DLGAP1: variants seen among roughly 807,000 people sequenced by gnomAD.
DLGAP1 encodes the protein DLG associated protein 1.
A neutral mutation model predicts 90.8 loss-of-function variants in DLGAP1; 11 were observed. That is an observed-to-expected ratio of 0.12 (90% CI 0.08 to 0.20). The LOEUF (loss-of-function observed/expected upper bound fraction) is 0.20, where lower values mean the gene tolerates loss of function less well. DLGAP1 is among the 10% of genes least tolerant of loss of function. DLGAP1 has a pLI of 1.00. For synonymous variants in DLGAP1, 558 were observed against 540.7 expected, an observed-to-expected ratio of 1.03 and a Z score of -0.44; for missense variants, 1,050 against 1,333.8, an observed-to-expected ratio of 0.79 and a Z score of 3.31.
intron 1 of DLGAP1, among the ~76,000 whole-genome samples, chr18:4,233,490 A>C (rs9966512): frequency 0.075 from 11,467 of 152,188 alleles, 664 homozygotes; most frequent in African/African-American, 0.15. Context: ...CTCATCACAT[A>C]ATATCACAGG....
At chr18:3,628,115 G>A (rs1044209315) in intron 7 of DLGAP1, among the ~76,000 whole-genome samples, 26 of 150,788 alleles carry the variant, frequency 1.7e-4, no homozygotes, top group African/African-American at 5.6e-4. Context: ...ACCTCAAGTG[G>A]TCCACCCGCC....
Position 3,741,330 on chromosome 18 carries a change from T to TCACCAC in DLGAP1, c.1350+999_1350+1004dup, listed in dbSNP as rs376924253. 4.9e-3 allele frequency among the ~76,000 whole-genome samples: 315 copies of TCACCAC among 63,998 alleles called. 3 individuals are homozygous for TCACCAC. Among genetic ancestry groups the TCACCAC allele is most frequent in the African/African-American group, 0.02 (283 of 14,048 alleles). The allele number at this position is 63,998 out of a possible 152,430, so 42.0% of individuals were successfully genotyped here. A position where few individuals can be genotyped will look rare whatever the true frequency, so the allele number is the denominator to read the frequency against. On this transcript the variant is annotated intron_variant, in intron 6 of 12. Transcript: ENST00000315677. ...CACATCACCACCACCACCACCACCA[T>TCACCAC]CACCACCACCACCACCACCACCACC...
intron 1 of DLGAP1, among the ~76,000 whole-genome samples, chr18:4,357,628 G>A (rs1160855138): frequency 2.0e-5 from 3 of 152,192 alleles, no homozygotes; most frequent in Non-Finnish European, 4.4e-5. Context: ...TGGTGTAGCT[G>A]GAGTAGCCTA....
At chr18:3,749,937 C>T (rs1265000131) in intron 5 of DLGAP1, among the ~76,000 whole-genome samples, 1 of 152,172 alleles carries the variant, frequency 6.6e-6, no homozygotes, top group South Asian at 2.1e-4. Flanking sequence ...TTCCTATATA[C>T]ATTTAAATAT....
chr18:4,020,424 T>G (rs1258643670), intron 2 of DLGAP1, among the ~76,000 whole-genome samples: 1 of 152,222 alleles, frequency 6.6e-6, no homozygotes, highest in Non-Finnish European at 1.5e-5. Context: ...GAGTAACCGT[T>G]ATGTGCCAGG....
intron 5 of DLGAP1, among the ~76,000 whole-genome samples, chr18:3,802,293 CT>C (rs1468942036): frequency 2.0e-5 from 3 of 152,222 alleles, no homozygotes; most frequent in Non-Finnish European, 4.4e-5. Flanking sequence ...CGCAGGCCAT[CT>C]TTCTAAAACA....
At chr18:4,233,883 T>A (rs930019443) in intron 1 of DLGAP1, among the ~76,000 whole-genome samples, 12 of 152,300 alleles carry the variant, frequency 7.9e-5, no homozygotes, top group African/African-American at 2.9e-4. Context: ...CCTATACTTA[T>A]TTTAATACAA....
intron 7 of DLGAP1, chr18:3,596,453 C>A (rs2056581363): frequency 4.7e-6 from 1 of 214,496 alleles, no homozygotes. Flanking sequence ...AACCACCAAG[C>A]CCGGCCTGAC....
chr18:4,049,833 T>A (rs2075106604), intron 2 of DLGAP1, among the ~76,000 whole-genome samples: 1 of 152,118 alleles, frequency 6.6e-6, no homozygotes, highest in Non-Finnish European at 1.5e-5. Context: ...CATCCATCCA[T>A]CCGCTCACCT....
intron 1 of DLGAP1, among the ~76,000 whole-genome samples, chr18:4,345,339 C>T (rs746558684): frequency 5.9e-5 from 9 of 152,132 alleles, no homozygotes; most frequent in Non-Finnish European, 7.3e-5. Flanking sequence ...TAGAGTAAAA[C>T]TGGCAATGTA....
intron 1 of DLGAP1, among the ~76,000 whole-genome samples, chr18:4,398,619 A>G (rs1251197901): frequency 2.6e-5 from 4 of 152,222 alleles, no homozygotes; most frequent in Non-Finnish European, 5.9e-5. Flanking sequence ...TATTGCTGCT[A>G]TGAAAAGATA....
chr18:4,156,506 C>T (rs1023196447), intron 1 of DLGAP1, among the ~76,000 whole-genome samples: 9 of 152,106 alleles, frequency 5.9e-5, no homozygotes, highest in African/African-American at 2.2e-4. Context: ...CTGTGAAAAA[C>T]CAATCAATTT....
chr18:4,302,338 G>T (rs2080144972), intron 1 of DLGAP1, among the ~76,000 whole-genome samples: 1 of 152,038 alleles, frequency 6.6e-6, no homozygotes, highest in East Asian at 1.9e-4. Context: ...TGAGATAAGG[G>T]TCCAATTTCA....
chr18:3,907,078 T>C (rs2071924375), intron 3 of DLGAP1, among the ~76,000 whole-genome samples: 1 of 152,218 alleles, frequency 6.6e-6, no homozygotes, highest in East Asian at 1.9e-4. Context: ...CAATTATATG[T>C]AAATATTATA....
At chr18:4,123,662 T>C (rs2076188475) in intron 2 of DLGAP1, among the ~76,000 whole-genome samples, 1 of 152,038 alleles carries the variant, frequency 6.6e-6, no homozygotes, top group Non-Finnish European at 1.5e-5. Flanking sequence ...AACCCATGAG[T>C]TGTGGAAACT....
rs373439259 is a variant in DLGAP1 at position 3,880,048 on chromosome 18, G to C, written c.21C>G (p.Ser7Arg). The C allele has an allele frequency of 3.1e-6, 5 of 1,603,042 alleles. No homozygotes were observed. The highest frequency in any genetic ancestry group is 4.2e-6 in the Non-Finnish European group (5 of 1,179,788). The change falls in exon 4 of 13, where the codon AGC becomes AGG. Residue 7 changes from serine (S) to arginine (R), a missense_variant. Physicochemically the swap from Ser to Arg is moderately radical, Grantham distance 110. This residue lies in a region of DLGAP1 where 485 missense variants were observed against 454.1 expected (regional missense o/e 1.07). Coordinates refer to ENST00000315677, the MANE Select transcript of DLGAP1 (RefSeq NM_004746.4). ...AGGTGACCCCGTGGTGATGGCTGCG[G>C]CTGCCTGATAGCCCTTTCATGGCGG... MKGLSG[S>R]RSHHHGVTCD...
chr18:4,094,806 C>G (rs561678151), intron 2 of DLGAP1, among the ~76,000 whole-genome samples: 1 of 152,144 alleles, frequency 6.6e-6, no homozygotes, highest in South Asian at 2.1e-4. Context: ...TCATGTTGGC[C>G]AGGCTGGTCT....
Position 3,795,221 on chromosome 18 carries a change from A to G in DLGAP1, c.1172+18838T>C, listed in dbSNP as rs143399148. ...ATGAAAAGCCAGGAAGAAACCCCCA[A>G]ATTCCTTGAAACAGACACAGAGATT... On this transcript the variant is annotated intron_variant, in intron 5 of 12. Transcript: ENST00000315677. 3.7e-3 allele frequency among the ~76,000 whole-genome samples: 558 copies of G among 152,280 alleles called. 4 individuals carry two copies. The highest frequency in any genetic ancestry group is 0.013 in the African/African-American group (526 of 41,574).
chr18:3,900,176 CAAAGCTTAT>C (rs1208452781), intron 3 of DLGAP1, among the ~76,000 whole-genome samples: 21 of 152,066 alleles, frequency 1.4e-4, no homozygotes, highest in African/African-American at 4.8e-4. Flanking sequence ...CTCTGTACCC[CAAAGCTTAT>C]AAAATAATTG....
Sources: allele counts gnomAD v4.1 joint callset (sites outside exome capture counted in the v4.1 genomes callset), GRCh38; gene constraint gnomAD v4.1.1; regional missense constraint gnomAD v4.1.1; transcripts MANE v1.5; gene names NCBI Gene and HGNC (gene_info 2026-07-23, HGNC 2026-07-21).